Variants in SYNDIG1 observed in about 807,000 individuals in gnomAD.
SYNDIG1 encodes the protein synapse differentiation-inducing gene protein 1.
In SYNDIG1, 9 loss-of-function variants were observed where a neutral mutation model predicts 19.4. That is an observed-to-expected ratio of 0.46 (90% CI 0.28 to 0.81). The LOEUF is 0.81. Ranked by LOEUF, SYNDIG1 falls within the 30% of genes least tolerant of loss-of-function variation. The probability of loss-of-function intolerance (pLI) is 0.12; values close to 1 mark genes in which losing one functional copy is unlikely to be tolerated. For missense variants in SYNDIG1, 311 were observed against 343.3 expected (o/e 0.91, Z 0.74); for synonymous variants, 141 against 145.9 (o/e 0.97, Z 0.24).
At chr20:24,578,553 T>A (rs1413953554) in intron 2 of SYNDIG1, among the ~76,000 whole-genome samples, 1 of 151,948 alleles carries the variant, frequency 6.6e-6, no homozygotes, top group Non-Finnish European at 1.5e-5. Context: ...AGGCTGGGGT[T>A]AGAGGGGCTG....
At chr20:24,591,338 G>A (rs909303991) in intron 3 of SYNDIG1, among the ~76,000 whole-genome samples, 8 of 152,000 alleles carry the variant, frequency 5.3e-5, no homozygotes, top group African/African-American at 9.7e-5. Context: ...AGGCTGCTGT[G>A]ATCTATGATC....
At chr20:24,533,092 C>G (rs912669052) in intron 1 of SYNDIG1, among the ~76,000 whole-genome samples, 1 of 152,122 alleles carries the variant, frequency 6.6e-6, no homozygotes, top group Admixed American at 6.5e-5. Context: ...TGAGACTGCT[C>G]TGGAGGACCA....
At chr20:24,556,661 C>G (rs956645364) in intron 2 of SYNDIG1, among the ~76,000 whole-genome samples, 3 of 152,216 alleles carry the variant, frequency 2.0e-5, no homozygotes, top group African/African-American at 7.2e-5. Context: ...TGTAGAGTTT[C>G]TGCCAAGAGA....
At chr20:24,624,529 CAA>C (rs1020466936) in intron 3 of SYNDIG1, among the ~76,000 whole-genome samples, 18 of 152,022 alleles carry the variant, frequency 1.2e-4, no homozygotes, top group East Asian at 7.7e-4. Context: ...CTCCTAACCA[CAA>C]AGAGTCAAAA....
chr20:24,574,466 G>A (rs1341960523), intron 2 of SYNDIG1, among the ~76,000 whole-genome samples: 1 of 152,098 alleles, frequency 6.6e-6, no homozygotes, highest in Non-Finnish European at 1.5e-5. Context: ...TCCAGCATGA[G>A]TGACAGAGCT....
intron 3 of SYNDIG1, among the ~76,000 whole-genome samples, chr20:24,612,782 A>G (rs556873635): frequency 2.0e-5 from 3 of 152,332 alleles, no homozygotes; most frequent in African/African-American, 7.2e-5. Context: ...TCAGGGTCGG[A>G]GAGGCTCCTG....
intron 1 of SYNDIG1, among the ~76,000 whole-genome samples, chr20:24,494,578 G>A (rs955055272): frequency 3.9e-5 from 6 of 152,208 alleles, no homozygotes; most frequent in African/African-American, 9.6e-5. Flanking sequence ...ATTGAGCCCC[G>A]AGGGATGAGG....
chr20:24,518,544 T>A (rs6132738), intron 1 of SYNDIG1, among the ~76,000 whole-genome samples: 88,817 of 152,034 alleles, frequency 0.58, 26,915 homozygotes, highest in East Asian at 0.73. Context: ...TGTCTGGGGG[T>A]TCAGCTAATC....
rs56002733 is a variant in SYNDIG1, at chr20:24,512,108, AATATATATATATATAT to A, written c.-78-30881_-78-30866del. Among the ~76,000 whole-genome samples the A allele has an allele frequency of 4.2e-3, 318 of 76,550 alleles. 5 individuals are homozygous for A. The highest frequency in any genetic ancestry group is 0.017 in the African/African-American group (268 of 15,474). The allele number at this position is 76,550 out of a possible 152,430, so 50.2% of individuals were successfully genotyped here. A position where few individuals can be genotyped will look rare whatever the true frequency, so the allele number is the denominator to read the frequency against. ...GCCATGAGGCACCATTGGTCTTTAA[AATATATATATATATAT>A]ATATATATATATATATATATATATA... On this transcript the variant is annotated intron_variant, in intron 1 of 3. Coordinates refer to ENST00000376862, the MANE Select transcript of SYNDIG1 (RefSeq NM_024893.3).
At chr20:24,532,296 A>G (rs1381863618) in intron 1 of SYNDIG1, among the ~76,000 whole-genome samples, 1 of 152,228 alleles carries the variant, frequency 6.6e-6, no homozygotes, top group Non-Finnish European at 1.5e-5. Flanking sequence ...CGTACCATGG[A>G]ATATGAGCCC....
intron 1 of SYNDIG1, among the ~76,000 whole-genome samples, chr20:24,496,540 G>A (rs2056310427): frequency 6.6e-6 from 1 of 152,184 alleles, no homozygotes; most frequent in South Asian, 2.1e-4. Flanking sequence ...GCACACCTGG[G>A]TGTAACTCTT....
At chr20:24,587,289 A>G (rs905299296) in intron 3 of SYNDIG1, among the ~76,000 whole-genome samples, 2 of 152,168 alleles carry the variant, frequency 1.3e-5, no homozygotes, top group African/African-American at 4.8e-5. Flanking sequence ...TAAAACTACA[A>G]CAGAGAAGAG....
At chr20:24,592,867 C>T (rs1468800691) in intron 3 of SYNDIG1, among the ~76,000 whole-genome samples, 3 of 152,162 alleles carry the variant, frequency 2.0e-5, no homozygotes, top group African/African-American at 7.2e-5. Flanking sequence ...CCTGCTTCAG[C>T]CTTCCAAAGT....
At chr20:24,664,723 G>C (rs141374999) in intron 3 of SYNDIG1, among the ~76,000 whole-genome samples, 1 of 152,100 alleles carries the variant, frequency 6.6e-6, no homozygotes, top group African/African-American at 2.4e-5. Flanking sequence ...TTTTACTAAC[G>C]CCAACCATGT....
chr20:24,620,972 G>A (rs527809100), intron 3 of SYNDIG1, among the ~76,000 whole-genome samples: 1 of 152,250 alleles, frequency 6.6e-6, no homozygotes, highest in South Asian at 2.1e-4. Flanking sequence ...TCAGGTGCCC[G>A]TTGGCATACA....
chr20:24,591,379 A>G (rs1294799012), intron 3 of SYNDIG1, among the ~76,000 whole-genome samples: 3 of 152,096 alleles, frequency 2.0e-5, no homozygotes, highest in African/African-American at 7.2e-5. Flanking sequence ...GAGTGACAGA[A>G]TGGGACCTTG....
intron 1 of SYNDIG1, among the ~76,000 whole-genome samples, chr20:24,539,038 C>T (rs2057416380): frequency 6.6e-6 from 1 of 152,100 alleles, no homozygotes; most frequent in African/African-American, 2.4e-5. Context: ...TGTTTTCTCC[C>T]ATTCTGTGGC....
At chr20:24,563,250 T>C (rs957604267) in intron 2 of SYNDIG1, among the ~76,000 whole-genome samples, 3 of 152,234 alleles carry the variant, frequency 2.0e-5, no homozygotes, top group African/African-American at 7.2e-5. Flanking sequence ...AGTATATTTC[T>C]GCAGTGATTA....
At chr20:24,609,645 G>A (rs918741066) in intron 3 of SYNDIG1, among the ~76,000 whole-genome samples, 2 of 152,160 alleles carry the variant, frequency 1.3e-5, no homozygotes, top group African/African-American at 4.8e-5. Context: ...CAAAACAGAC[G>A]GGCAGAGAGA....
Sources: gnomAD v4.1 joint callset for allele counts (sites outside exome capture counted in the v4.1 genomes callset) on GRCh38, gnomAD v4.1.1 for gene constraint, MANE v1.5 for transcripts, NCBI Gene and HGNC (gene_info 2026-07-23, HGNC 2026-07-21) for gene names.